Variants in CYRIA observed in about 807,000 individuals in gnomAD.
The protein encoded by CYRIA is CYFIP related Rac1 interactor A.
CYRIA carries 15 observed loss-of-function variants against 43.9 expected under a neutral mutation model. The observed-to-expected ratio is 0.34, with a 90% CI of 0.23 to 0.53. The LOEUF (loss-of-function observed/expected upper bound fraction) is 0.53. CYRIA is among the 20% of genes least tolerant of loss of function. The pLI is 0.94. For synonymous variants in CYRIA, 117 were observed against 136.0 expected (o/e 0.86, Z 0.97); for missense variants, 236 against 394.2 (o/e 0.60, Z 3.40).
intron 2 of CYRIA, among the ~76,000 whole-genome samples, chr2:16,619,467 A>T (rs1321387665): frequency 6.6e-6 from 1 of 152,132 alleles, no homozygotes; most frequent in Non-Finnish European, 1.5e-5. Context: ...GTAGCAGGGG[A>T]AATACAGTTT....
chr2:16,612,363 A>C (rs538969469), intron 2 of CYRIA, among the ~76,000 whole-genome samples: 3 of 150,954 alleles, frequency 2.0e-5, no homozygotes, highest in African/African-American at 7.2e-5. Context: ...GAAATAAGGA[A>C]GAAAGAGAAA....
chr2:16,621,896 CT>C (rs897443067), intron 2 of CYRIA, among the ~76,000 whole-genome samples: 5 of 152,104 alleles, frequency 3.3e-5, no homozygotes, highest in African/African-American at 1.2e-4. Flanking sequence ...TTGATGATCC[CT>C]TGATCCTACT....
intron 3 of CYRIA, among the ~76,000 whole-genome samples, chr2:16,582,056 G>A (rs1220078112): frequency 6.6e-6 from 1 of 152,150 alleles, no homozygotes; most frequent in Non-Finnish European, 1.5e-5. Context: ...GGTCTGGTAG[G>A]TAGACTGCCT....
At chr2:16,605,422 A>T (rs1366543751) in intron 2 of CYRIA, among the ~76,000 whole-genome samples, 1 of 152,228 alleles carries the variant, frequency 6.6e-6, no homozygotes, top group African/African-American at 2.4e-5. Context: ...TCACTAGTGA[A>T]TCTGTCCCCT....
chr2:16,554,961 TA>T, intron 11 of CYRIA, 107 bp downstream of exon 11: 1 of 715,194 alleles, frequency 1.4e-6, no homozygotes, highest in Non-Finnish European at 2.3e-6. Flanking sequence ...TTCAATGTGT[TA>T]AAATATGCAA....
At chr2:16,586,725 T>C (rs538252665) in intron 3 of CYRIA, among the ~76,000 whole-genome samples, 43 of 152,176 alleles carry the variant, frequency 2.8e-4, no homozygotes, top group Non-Finnish European at 5.4e-4. Context: ...AGCATTTCCT[T>C]AGCAAACTTC....
In CYRIA at chr2:16,660,995, G is replaced by C. The variant is rs564395713; in HGVS notation, c.-167+4785C>G. 1.7e-3 allele frequency among the ~76,000 whole-genome samples: 253 copies of C among 152,314 alleles called. 2 individuals are homozygous for C. The highest frequency in any genetic ancestry group is 3.1e-3 in the Non-Finnish European group (214 of 68,028). ...CTGTAACTGCTTTTCAATACCTCCA[G>C]CTTCCTAGGTGATAGCTGTACTGAC... On this transcript the variant is annotated intron_variant, in intron 1 of 11. Coordinates refer to ENST00000381323, the MANE Select transcript of CYRIA (RefSeq NM_030797.4).
intron 10 of CYRIA, among the ~76,000 whole-genome samples, chr2:16,556,257 T>A (rs1221055323): frequency 6.6e-6 from 1 of 152,048 alleles, no homozygotes; most frequent in Non-Finnish European, 1.5e-5. Context: ...CATGTGAGGA[T>A]CACTACAGGT....
At chr2:16,638,750 T>C (rs1268515141) in intron 1 of CYRIA, among the ~76,000 whole-genome samples, 1 of 152,174 alleles carries the variant, frequency 6.6e-6, no homozygotes, top group East Asian at 1.9e-4. Context: ...GGTGCTATTG[T>C]CAGGTTTGTA....
chr2:16,588,512 G>T (rs372851703), intron 2 of CYRIA, among the ~76,000 whole-genome samples: 3 of 151,604 alleles, frequency 2.0e-5, no homozygotes, highest in Admixed American at 2.0e-4. Context: ...AATGTTCTCC[G>T]AAGTGCTTCC....
chr2:16,625,210 G>A (rs1669122742), intron 1 of CYRIA, among the ~76,000 whole-genome samples: 1 of 152,154 alleles, frequency 6.6e-6, no homozygotes, highest in Non-Finnish European at 1.5e-5. Flanking sequence ...AAGACTTCCT[G>A]CCAGGCTCCC....
At chr2:16,581,642 T>C (rs901474192) in intron 3 of CYRIA, among the ~76,000 whole-genome samples, 2 of 152,162 alleles carry the variant, frequency 1.3e-5, no homozygotes, top group African/African-American at 2.4e-5. Context: ...CAAGGGTATA[T>C]TGTGTTGCTT....
At chr2:16,554,677 C>G (rs1666441879) in intron 11 of CYRIA, among the ~76,000 whole-genome samples, 1 of 152,134 alleles carries the variant, frequency 6.6e-6, no homozygotes, top group Non-Finnish European at 1.5e-5. Flanking sequence ...ACATAATCCT[C>G]AAGTGCAGCC....
Position 16,564,054 on chromosome 2 carries a change from G to A in CYRIA, c.233C>T (p.Ala78Val). ...NPNDIQLQEK[A>V]WNAVCPLVVR... ...AACAAGAGGGCACACCGCATTCCAA[G>A]CTTTTTCTTGAAGCTGAATGTCATT... Residue 78 changes from alanine to valine, a missense_variant, in exon 5 of 12, where the codon GCT (alanine) becomes GTT (valine). Coordinates refer to ENST00000381323, the MANE Select transcript of CYRIA (RefSeq NM_030797.4). 1 of 1,613,604 alleles carries A rather than the reference G, an allele frequency of 6.2e-7. No individual in the cohort carries two copies. Among genetic ancestry groups the A allele is most frequent in the Non-Finnish European group, 8.5e-7 (1 of 1,179,738 alleles).
chr2:16,618,297 C>T lies in CYRIA; in HGVS notation c.-11+5567G>A, dbSNP rs547189130. 9.2e-5 allele frequency among the ~76,000 whole-genome samples: 14 copies of T among 152,300 alleles called. No homozygotes were observed. In the South Asian group the frequency reaches 2.5e-3, roughly 27 times the overall value. On this transcript the variant is annotated intron_variant, in intron 2 of 11. Transcript: ENST00000381323. ...TTCCCAGCATCTTCTCTTTCTTTCTCTTTTTAAACAATCCTTTTGAATTTC... is the reference window on the plus strand; with the variant it reads ...TTCCCAGCATCTTCTCTTTCTTTCTTTTTTTAAACAATCCTTTTGAATTTC...
chr2:16,557,688 G>A (rs1666575395), intron 10 of CYRIA, among the ~76,000 whole-genome samples: 1 of 152,138 alleles, frequency 6.6e-6, no homozygotes, highest in Non-Finnish European at 1.5e-5. Flanking sequence ...TCAAGACTAT[G>A]CGTGAAGACT....
chr2:16,661,644 T>C (rs1025751516), intron 1 of CYRIA, among the ~76,000 whole-genome samples: 1 of 152,218 alleles, frequency 6.6e-6, no homozygotes, highest in Non-Finnish European at 1.5e-5. Context: ...AAATATTTAC[T>C]AAGAGACTGA....
intron 3 of CYRIA, among the ~76,000 whole-genome samples, chr2:16,571,872 G>A (rs1486836660): frequency 3.9e-5 from 6 of 152,152 alleles, no homozygotes. Context: ...ATGTGGGGAT[G>A]TAAAATGGAA....
At chr2:16,599,452 C>T (rs1463091439) in intron 2 of CYRIA, among the ~76,000 whole-genome samples, 1 of 75,938 alleles carries the variant, frequency 1.3e-5, no homozygotes, top group African/African-American at 6.8e-5. Context: ...TTTCTTAAGC[C>T]GGTCTGAAAA....
Sources: allele counts gnomAD v4.1 joint callset (sites outside exome capture counted in the v4.1 genomes callset), GRCh38; gene constraint gnomAD v4.1.1; transcripts MANE v1.5; gene names NCBI Gene and HGNC (gene_info 2026-07-23, HGNC 2026-07-21).